PADI6: variants seen among roughly 807,000 people sequenced by gnomAD.
PADI6 encodes peptidyl arginine deiminase 6.
Under a neutral mutation model 78.2 loss-of-function variants are expected in PADI6, and 66 were observed. The ratio of observed to expected loss-of-function variants is 0.84; its 90% confidence interval spans 0.69 to 1.04. The LOEUF (loss-of-function observed/expected upper bound fraction) is 1.04, where lower values mean the gene tolerates loss of function less well. PADI6 is among the 50% of genes least tolerant of loss of function. PADI6 has a pLI of 0.00. For missense variants in PADI6, 854 were observed against 866.1 expected, an observed-to-expected ratio of 0.99 and a Z score of 0.18; for synonymous variants, 397 against 346.9, an observed-to-expected ratio of 1.14 and a Z score of -1.60.
chr1:17,396,725 A>T (rs2075250766), intron 13 of PADI6, among the ~76,000 whole-genome samples: 1 of 152,224 alleles, frequency 6.6e-6, no homozygotes, highest in East Asian at 1.9e-4. Flanking sequence ...GGTCACAGGC[A>T]GAAAGTGCCA....
At chr1:17,380,977 T>A in intron 4 of PADI6, 70 bp from the exon 5 acceptor site, 2 of 1,318,434 alleles carry the variant, frequency 1.5e-6, no homozygotes, top group Non-Finnish European at 2.1e-6. Flanking sequence ...CCCTCTGCTA[T>A]GAGGTGCATC....
chr1:17,392,416 TAG>T (rs1215697261), intron 9 of PADI6, among the ~76,000 whole-genome samples, 191 bp downstream of exon 9: 1 of 152,180 alleles, frequency 6.6e-6, no homozygotes, highest in Non-Finnish European at 1.5e-5. Flanking sequence ...AAGGAATAGT[TAG>T]AGTCCAGCCT....
intron 7 of PADI6, 94 bp from the exon 8 acceptor site, chr1:17,388,683 G>T: frequency 2.0e-6 from 3 of 1,466,734 alleles, no homozygotes; most frequent in Non-Finnish European, 9.3e-7. Context: ...GTGGGGCCCA[G>T]CTGGGGGCCG....
At chr1:17,399,688 T>G (rs1344726479) in intron 15 of PADI6, among the ~76,000 whole-genome samples, 1 of 149,422 alleles carries the variant, frequency 6.7e-6, no homozygotes, top group Non-Finnish European at 1.5e-5. Flanking sequence ...AACTCAGGAG[T>G]TGGAGAGCAG....
In PADI6 at chr1:17,394,056, G is replaced by A. The variant is rs754193133; in HGVS notation, c.1156G>A (p.Asp386Asn). Residue 386 changes from aspartate to asparagine, a missense_variant, in exon 10 of 16, where the codon GAT (aspartate) becomes AAT (asparagine). Transcript: ENST00000619609. ...CGACACACCTCAGGCCGCCGATCTC[G>A]ATGAGTTCCCCATGAAGTACTCACT... ...ILDTPQAADL[D>N]EFPMKYSLSP... 16 of 1,613,860 alleles carry A rather than the reference G, an allele frequency of 9.9e-6. No homozygotes were observed. The highest frequency in any genetic ancestry group is 8.8e-5 in the South Asian group (8 of 91,072).
At chr1:17,373,813 G>T (rs2074989494) in intron 2 of PADI6, among the ~76,000 whole-genome samples, 1 of 152,202 alleles carries the variant, frequency 6.6e-6, no homozygotes, top group Non-Finnish European at 1.5e-5. Flanking sequence ...TACATATGAG[G>T]AAACTAAGGC....
rs776940235 is a variant in PADI6, at chr1:17,375,400, T to C, written c.295-27T>C. On this transcript the variant is annotated intron_variant, in intron 2 of 15. Coordinates refer to ENST00000619609, the MANE Select transcript of PADI6 (RefSeq NM_207421.4). The stretch of plus-strand genomic sequence containing the variant: ...CTGGCACCTCCCGTCCAACACTGCC[T>C]ATGGTTTCGGGATGCTGTCTCCACA... The C allele has an allele frequency of 1.9e-6, 3 of 1,600,038 alleles. No homozygotes were observed. The Admixed American group carries it at 5.1e-5, about 27-fold the overall frequency.
At chr1:17,387,465 G>GA (rs1030105639) in intron 6 of PADI6, among the ~76,000 whole-genome samples, 1 of 151,284 alleles carries the variant, frequency 6.6e-6, no homozygotes, top group Non-Finnish European at 1.5e-5. Flanking sequence ...AGGAGGGGGG[G>GA]GGGCCAGGCG....
Position 17,388,572 on chromosome 1 carries a change from A to G in PADI6, c.858+13A>G, listed in dbSNP as rs763446328. On this transcript the variant is annotated intron_variant, in intron 7 of 15. Coordinates refer to ENST00000619609, the MANE Select transcript of PADI6 (RefSeq NM_207421.4). Reference sequence around the variant, plus strand: ...GTCTCAAGACCCGGTATGTCCCCATAATAGATGGGTCCTCAGACTAGGATG... The same window carrying G: ...GTCTCAAGACCCGGTATGTCCCCATGATAGATGGGTCCTCAGACTAGGATG... 6 of 1,594,876 alleles carry G rather than the reference A, an allele frequency of 3.8e-6. No individual in the cohort carries two copies. In the Admixed American group the frequency reaches 8.4e-5, roughly 22 times the overall value.
intron 5 of PADI6, 76 bp downstream of exon 5, chr1:17,381,240 CTAAT>C (rs1288539059): frequency 2.4e-6 from 3 of 1,257,742 alleles, no homozygotes; most frequent in Non-Finnish European, 3.4e-6. Flanking sequence ...GGATTCCAGA[CTAAT>C]TTTCTCCACC....
chr1:17,395,618 G>A lies in PADI6; in HGVS notation c.1573G>A (p.Ala525Thr), dbSNP rs747550335. Residue 525 changes from alanine (A) to threonine (T), a missense_variant, in exon 13 of 16, where the codon GCT (alanine) becomes ACT (threonine). Transcript: ENST00000619609. ...REKQKEGYGD[A>T]LLFDELRADQ... The stretch of plus-strand genomic sequence containing the variant: ...GAAACAGAAGGAAGGCTATGGCGAC[G>A]CTCTTCTGTTTGATGAGCTTAGAGC... 123 of 1,608,318 alleles carry A rather than the reference G, an allele frequency of 7.6e-5. No homozygotes were observed. Among genetic ancestry groups the A allele is most frequent in the Non-Finnish European group, 9.3e-5 (109 of 1,177,396 alleles).
chr1:17,375,366 GC>G (rs1253629068), intron 2 of PADI6, 60 bp from the exon 3 acceptor site: 1 of 1,463,014 alleles, frequency 6.8e-7, no homozygotes, highest in African/African-American at 1.4e-5. Flanking sequence ...ATGGCCTGGG[GC>G]TCTGTTCCTG....
intron 1 of PADI6, 106 bp downstream of exon 1, chr1:17,372,467 A>C (rs986214249): frequency 3.0e-6 from 3 of 1,011,252 alleles, no homozygotes; most frequent in Admixed American, 3.7e-5. Flanking sequence ...TAGCCTCACT[A>C]TCCTGCCCCA....
At chr1:17,372,934 ACT>A in intron 1 of PADI6, 120 bp from the exon 2 acceptor site, 1 of 1,031,436 alleles carries the variant, frequency 9.7e-7, no homozygotes, top group South Asian at 1.6e-5. Flanking sequence ...ACCCCAGACC[ACT>A]CTGCCTCAAC....
At chr1:17,392,088 C>T in intron 8 of PADI6, 26 bp from the exon 9 acceptor site, 5 of 1,547,612 alleles carry the variant, frequency 3.2e-6, no homozygotes, top group Middle Eastern at 3.4e-4. Context: ...AAAGCCTTCC[C>T]AGAACTGGCT....
chr1:17,392,165 G>C lies in PADI6; in HGVS notation c.1014G>C (p.Lys338Asn). ...FVDTVTKLSEKSNSQVASVYE... is the reference protein window; with the variant it reads ...FVDTVTKLSENSNSQVASVYE... ...ACACAGTGACGAAGCTGAGTGAGAA[G>C]AGCAACAGCCAGGTGGCATCTGTCT... The change falls in exon 9 of 16, where the codon AAG becomes AAC. Residue 338 changes from lysine to asparagine, a missense_variant. By Grantham distance (94) the Lys-to-Asn change is moderately conservative. Transcript: ENST00000619609. The C allele has an allele frequency of 2.6e-6, 4 of 1,562,270 alleles. No individual in the cohort carries two copies. The highest frequency in any genetic ancestry group is 3.5e-6 in the Non-Finnish European group (4 of 1,153,112).
intron 6 of PADI6, among the ~76,000 whole-genome samples, chr1:17,386,532 G>T (rs188167140): frequency 1.3e-5 from 2 of 152,240 alleles, no homozygotes; most frequent in Non-Finnish European, 2.9e-5. Context: ...TGATGCTATC[G>T]CAGGTCAAGA....
At chr1:17,390,062 G>C (rs149450947) in intron 8 of PADI6, among the ~76,000 whole-genome samples, 149 of 152,292 alleles carry the variant, frequency 9.8e-4, no homozygotes, top group African/African-American at 3.4e-3. Flanking sequence ...ACTTTGGGAG[G>C]CCGAGGCAGG....
chr1:17,399,650 T>G (rs1480524971), intron 15 of PADI6, among the ~76,000 whole-genome samples: 1 of 150,808 alleles, frequency 6.6e-6, no homozygotes, highest in Non-Finnish European at 1.5e-5. Flanking sequence ...TCTAGTACGT[T>G]GGGAGGCTGA....
Sources: allele counts gnomAD v4.1 joint callset (sites outside exome capture counted in the v4.1 genomes callset), GRCh38; gene constraint gnomAD v4.1.1; transcripts MANE v1.5; gene names NCBI Gene and HGNC (gene_info 2026-07-23, HGNC 2026-07-21).